The following ADAMTS3 variants were observed in gnomAD, a reference collection of about 807,000 sequenced individuals.
The protein encoded by ADAMTS3 is ADAM metallopeptidase with thrombospondin type 1 motif 3, also known as A disintegrin and metalloproteinase with thrombospondin motifs 3.
ADAMTS3 carries 73 observed loss-of-function variants against 129.0 expected under a neutral mutation model. That is an observed-to-expected ratio of 0.57 (90% CI 0.47 to 0.69). The LOEUF is 0.69. Among genes scored for constraint, ADAMTS3 ranks in the 30% least tolerant of loss-of-function variants. The pLI is 0.00. For missense variants in ADAMTS3, 1,457 were observed against 1,514.5 expected, an observed-to-expected ratio of 0.96 and a Z score of 0.63; for synonymous variants, 477 against 510.8, an observed-to-expected ratio of 0.93 and a Z score of 0.89.
chr4:72,460,107 G>A lies in ADAMTS3; in HGVS notation c.505-45136C>T, dbSNP rs186036286. ...ATATTTAGAAAGAGAACCAGGAAAC[G>A]AAAAGTTAAATATTAAGAGTATCTC... On this transcript the variant is annotated intron_variant, in intron 3 of 21. Transcript: ENST00000286657. Among the ~76,000 whole-genome samples, 48 of 151,492 alleles carry A rather than the reference G, an allele frequency of 3.2e-4. No homozygotes were observed. In the East Asian group the frequency reaches 5.5e-3, roughly 17 times the overall value.
intron 3 of ADAMTS3, among the ~76,000 whole-genome samples, chr4:72,530,584 A>AAATT (rs371699252): frequency 0.37 from 26,465 of 71,120 alleles, 4,260 homozygotes; most frequent in African/African-American, 0.4. Flanking sequence ...AATATATATT[A>AAATT]AATATATATT....
At chr4:72,384,979 T>C (rs146174089) in intron 4 of ADAMTS3, among the ~76,000 whole-genome samples, 5,233 of 152,044 alleles carry the variant, frequency 0.034, 292 homozygotes, top group African/African-American at 0.12. Context: ...CCATCCTGGC[T>C]AACACCCTGA....
intron 4 of ADAMTS3, among the ~76,000 whole-genome samples, chr4:72,393,759 C>T (rs190343506): frequency 1.1e-4 from 17 of 152,226 alleles, no homozygotes; most frequent in Admixed American, 6.5e-4. Flanking sequence ...CTTTTAAATA[C>T]ATGTAATGTC....
chr4:72,400,350 TACGTGTGC>T (rs1721879729), intron 4 of ADAMTS3, among the ~76,000 whole-genome samples: 2 of 145,974 alleles, frequency 1.4e-5, no homozygotes, highest in African/African-American at 5.2e-5. Flanking sequence ...TGTGTATATA[TACGTGTGC>T]ATAGATATGC....
chr4:72,510,450 A>G (rs1197550347), intron 3 of ADAMTS3, among the ~76,000 whole-genome samples: 1 of 152,130 alleles, frequency 6.6e-6, no homozygotes. Flanking sequence ...ATAACGTATA[A>G]AAATTAGTAG....
chr4:72,346,314 G>A (rs1720282724), intron 4 of ADAMTS3, among the ~76,000 whole-genome samples: 2 of 152,132 alleles, frequency 1.3e-5, no homozygotes, highest in African/African-American at 2.4e-5. Flanking sequence ...TACCCACCTT[G>A]CTGAAATCTT....
intron 3 of ADAMTS3, among the ~76,000 whole-genome samples, chr4:72,486,095 C>T (rs555658512): frequency 3.9e-5 from 6 of 152,300 alleles, no homozygotes; most frequent in South Asian, 2.1e-4. Flanking sequence ...TAGTACGTGC[C>T]TTCATGCAAG....
chr4:72,437,552 A>G (rs1301234648), intron 3 of ADAMTS3, among the ~76,000 whole-genome samples: 1 of 151,766 alleles, frequency 6.6e-6, no homozygotes, highest in Admixed American at 6.6e-5. Context: ...ATCACTCTCA[A>G]GTAAGTGTTT....
intron 3 of ADAMTS3, among the ~76,000 whole-genome samples, chr4:72,496,424 A>C (rs1461813244): frequency 1.3e-5 from 2 of 152,106 alleles, no homozygotes; most frequent in Non-Finnish European, 2.9e-5. Context: ...TTTCTTCTTT[A>C]ATTTTTTAAA....
chr4:72,372,551 C>G (rs1446342144), intron 4 of ADAMTS3, among the ~76,000 whole-genome samples: 2 of 151,836 alleles, frequency 1.3e-5, no homozygotes. Flanking sequence ...AAGTAATAAA[C>G]TTACAACTAA....
chr4:72,498,635 ACT>A (rs141849709), intron 3 of ADAMTS3, among the ~76,000 whole-genome samples: 6,144 of 150,674 alleles, frequency 0.041, 395 homozygotes, highest in African/African-American at 0.14. Flanking sequence ...TCTCTCTCTC[ACT>A]CTCTCTCTCT....
At chr4:72,444,150 C>A (rs1287530415) in intron 3 of ADAMTS3, among the ~76,000 whole-genome samples, 1 of 151,690 alleles carries the variant, frequency 6.6e-6, no homozygotes, top group Non-Finnish European at 1.5e-5. Context: ...AAGCACTTCC[C>A]TTCTGAGGAA....
rs1485833444 is a variant in ADAMTS3, at chr4:72,313,603, G to A, written c.1745+74C>T. The A allele has an allele frequency of 2.0e-6, 3 of 1,482,784 alleles. No individual in the cohort carries two copies. In the Admixed American group the frequency reaches 5.7e-5, roughly 28 times the overall value. 91.9% of individuals were successfully genotyped at this position (1,482,784 alleles called of 1,614,324 possible). On this transcript the variant is annotated intron_variant, in intron 12 of 21. Coordinates refer to ENST00000286657, the MANE Select transcript of ADAMTS3 (RefSeq NM_014243.3). ...TGTTTTACATGCACTTTATAAAACA[G>A]AATACTAATAACATAATATTGAAGT...
intron 3 of ADAMTS3, among the ~76,000 whole-genome samples, chr4:72,541,392 G>A (rs540552858): frequency 9.8e-5 from 15 of 152,348 alleles, no homozygotes; most frequent in African/African-American, 3.4e-4. Flanking sequence ...ATAGGTGGAA[G>A]GGACTTGCCC....
intron 4 of ADAMTS3, among the ~76,000 whole-genome samples, chr4:72,369,751 C>T (rs1449644730): frequency 7.0e-6 from 1 of 142,734 alleles, no homozygotes; most frequent in Non-Finnish European, 1.5e-5. Context: ...AATAAACAGA[C>T]AAAGTACAAA....
At chr4:72,423,561 T>TTTA (rs1421493921) in intron 3 of ADAMTS3, among the ~76,000 whole-genome samples, 2 of 152,050 alleles carry the variant, frequency 1.3e-5, no homozygotes, top group African/African-American at 2.4e-5. Flanking sequence ...TTTTTTTTCT[T>TTTA]TTATTATTAT....
chr4:72,484,919 C>T (rs1321368515), intron 3 of ADAMTS3, among the ~76,000 whole-genome samples: 1 of 152,114 alleles, frequency 6.6e-6, no homozygotes, highest in Non-Finnish European at 1.5e-5. Flanking sequence ...CTTGTTTTTC[C>T]TATTTCCCAC....
intron 3 of ADAMTS3, among the ~76,000 whole-genome samples, chr4:72,543,614 C>A (rs1449944023): frequency 2.0e-5 from 3 of 151,814 alleles, no homozygotes; most frequent in African/African-American, 4.8e-5. Context: ...AAACTAGTCC[C>A]AAAAATGAAA....
intron 3 of ADAMTS3, among the ~76,000 whole-genome samples, chr4:72,510,141 A>T (rs562505135): frequency 1.2e-4 from 19 of 152,138 alleles, no homozygotes; most frequent in African/African-American, 3.6e-4. Context: ...TAAAAGCAAA[A>T]TATGACAGAC....
Sources: allele counts gnomAD v4.1 joint callset (sites outside exome capture counted in the v4.1 genomes callset), GRCh38; gene constraint gnomAD v4.1.1; transcripts MANE v1.5; gene names NCBI Gene and HGNC (gene_info 2026-07-23, HGNC 2026-07-21).